Variants in UFL1 observed in about 807,000 individuals in gnomAD.
UFL1 encodes the protein E3 UFM1-protein ligase 1.
Under a neutral mutation model 99.3 loss-of-function variants are expected in UFL1, and 78 were observed. The observed-to-expected ratio is 0.79, with a 90% CI of 0.65 to 0.95. UFL1 has a LOEUF of 0.95. Ranked by LOEUF, UFL1 falls within the 40% of genes least tolerant of loss-of-function variation. The probability of loss-of-function intolerance (pLI) is 0.00; values close to 1 mark genes in which losing one functional copy is unlikely to be tolerated. For synonymous variants in UFL1, 335 were observed against 322.2 expected, an observed-to-expected ratio of 1.04 and a Z score of -0.42; for missense variants, 936 against 937.0, an observed-to-expected ratio of 1.00 and a Z score of 0.01.
At chr6:96,530,157 C>T (rs1769764178) in intron 6 of UFL1, among the ~76,000 whole-genome samples, 1 of 152,178 alleles carries the variant, frequency 6.6e-6, no homozygotes, top group Non-Finnish European at 1.5e-5. Context: ...AGTCCTTAGT[C>T]ACCTTCAATC....
In UFL1 at chr6:96,549,456, T is replaced by A; in HGVS notation, c.1565T>A (p.Met522Lys). Reference sequence around the variant, plus strand: ...CTCGAGGTGGTACGTTCAGTATTCATGTCTTCAACAACTTCTGCTTCTGGG... The same window carrying A: ...CTCGAGGTGGTACGTTCAGTATTCAAGTCTTCAACAACTTCTGCTTCTGGG... ...TYLEVVRSVF[M>K]SSTTSASGTG... Residue 522 changes from methionine to lysine, a missense_variant, in exon 14 of 19, where the codon ATG (methionine) becomes AAG (lysine). Met to Lys is a moderately conservative substitution (Grantham distance 95). Coordinates refer to ENST00000369278, the MANE Select transcript of UFL1 (RefSeq NM_015323.5). The A allele has an allele frequency of 6.3e-7, 1 of 1,598,228 alleles. No homozygotes were observed. The highest frequency in any genetic ancestry group is 8.5e-7 in the Non-Finnish European group (1 of 1,175,632).
At chr6:96,522,055 C>A in intron 1 of UFL1, 105 bp downstream of exon 1, 1 of 1,244,102 alleles carries the variant, frequency 8.0e-7, no homozygotes, top group Non-Finnish European at 1.1e-6. Context: ...GGTCTTCTCG[C>A]TGCTTGTCAC....
At chr6:96,542,393 G>C (rs1769943465) in intron 11 of UFL1, among the ~76,000 whole-genome samples, 1 of 151,288 alleles carries the variant, frequency 6.6e-6, no homozygotes, top group Admixed American at 6.6e-5. Context: ...TAATCTGTTT[G>C]AGTAGCAGAT....
Position 96,523,871 on chromosome 6 carries a change from CTT to C in UFL1, c.224-510_224-509del, listed in dbSNP as rs1199903591. On this transcript the variant is annotated intron_variant, in intron 2 of 18. Coordinates refer to ENST00000369278, the MANE Select transcript of UFL1 (RefSeq NM_015323.5). ...AATAGAAGCAATTATGAAAGCCTCT[CTT>C]CATATTATCAGAGTGTAACATTGGT... 2.6e-5 allele frequency among the ~76,000 whole-genome samples: 4 copies of C among 152,146 alleles called. No homozygotes were observed. In the South Asian group the frequency reaches 6.2e-4, roughly 24 times the overall value.
Position 96,549,768 on chromosome 6 carries a change from C to T in UFL1, c.1787C>T (p.Ala596Val). 6.2e-7 allele frequency: 1 copy of T among 1,612,006 alleles called. No individual in the cohort carries two copies. Among genetic ancestry groups the T allele is most frequent in the Non-Finnish European group, 8.5e-7 (1 of 1,178,630 alleles). Residue 596 changes from alanine to valine, a missense_variant, in exon 15 of 19, where the codon GCA becomes GTA. Ala to Val is a moderately conservative substitution (Grantham distance 64). Coordinates refer to ENST00000369278, the MANE Select transcript of UFL1 (RefSeq NM_015323.5). The stretch of plus-strand genomic sequence containing the variant: ...TTCTTAGCTTCGGATTTAATGATGG[C>T]AGTAGACGATCCTGCAGCCATTACA... ...FNFLASDLMM[A>V]VDDPAAITSE...
chr6:96,548,593 C>CT lies in UFL1; in HGVS notation c.1520+313dup, dbSNP rs1208438754. Among the ~76,000 whole-genome samples, 6 of 151,730 alleles carry CT rather than the reference C, an allele frequency of 4.0e-5. No homozygotes were observed. The East Asian group carries it at 9.7e-4, about 25-fold the overall frequency. On this transcript the variant is annotated intron_variant, in intron 13 of 18. Transcript: ENST00000369278. ...AGACCGGCATTAACCACTGGCTGGT[C>CT]TCTTCTATAGCACAAAAAATAACAT...
At chr6:96,525,651 G>A (rs1401572932) in intron 4 of UFL1, among the ~76,000 whole-genome samples, 7 of 143,304 alleles carry the variant, frequency 4.9e-5, no homozygotes, top group African/African-American at 1.0e-4. Flanking sequence ...ACCAGCCTAC[G>A]TAACATAGCA....
rs550508541 is a variant in UFL1, at chr6:96,551,909, C to G, written c.1971C>G (p.Asp657Glu). 124 of 1,596,148 alleles carry G rather than the reference C, an allele frequency of 7.8e-5. 1 individual carries two copies. In the South Asian group the frequency reaches 1.3e-3, roughly 17 times the overall value. The change falls in exon 17 of 19, where the codon GAC (aspartate) becomes GAG (glutamate). Residue 657 changes from aspartate to glutamate, a missense_variant. Transcript: ENST00000369278. ...EACDIMVKRG[D>E]KKRERQILFQ... The stretch of plus-strand genomic sequence containing the variant: ...GTGATATTATGGTGAAAAGGGGAGA[C>G]AAAAAAAGGGAAAGGTAACATTAAA...
chr6:96,524,309 G>A (rs1026375342), intron 2 of UFL1, 73 bp from the exon 3 acceptor site: 26 of 1,410,790 alleles, frequency 1.8e-5, no homozygotes, highest in Non-Finnish European at 2.3e-5. Flanking sequence ...AAACTTAAAT[G>A]TTAGAATTTA....
chr6:96,526,241 C>T lies in UFL1; in HGVS notation c.351-80C>T, dbSNP rs141559002. 4.5e-4 allele frequency: 550 copies of T among 1,210,608 alleles called. 1 individual carries two copies. In the African/African-American group the frequency reaches 5.2e-3, roughly 11 times the overall value. The allele number at this position is 1,210,608 out of a possible 1,614,324, so 75.0% of individuals were successfully genotyped here. A position where few individuals can be genotyped will look rare whatever the true frequency, so the allele number is the denominator to read the frequency against. The stretch of plus-strand genomic sequence containing the variant: ...ACTTTTGGGGCATACTTCATTTCAA[C>T]GGAAATTAAACATAAAATGAGGAAA... On this transcript the variant is annotated intron_variant, in intron 4 of 18. Coordinates refer to ENST00000369278, the MANE Select transcript of UFL1 (RefSeq NM_015323.5).
intron 12 of UFL1, among the ~76,000 whole-genome samples, chr6:96,543,752 T>C (rs1396238366): frequency 1.3e-5 from 2 of 151,092 alleles, no homozygotes; most frequent in Non-Finnish European, 3.0e-5. Flanking sequence ...GAAAGTGGTA[T>C]GACAATTTAT....
In UFL1 at chr6:96,553,941, T is replaced by C. The variant is rs1286583395; in HGVS notation, c.*438T>C. On this transcript the variant is annotated 3_prime_UTR_variant, in exon 19 of 19. Transcript: ENST00000369278. ...AATTTAAAATGTGGTCTTTTTTTTT[T>C]AAAAGAAACACTTCTGTGTCAGAAA... 6.6e-6 allele frequency: 1 copy of C among 152,416 alleles called. No individual in the cohort carries two copies. Among genetic ancestry groups the C allele is most frequent in the Non-Finnish European group, 1.5e-5 (1 of 68,308 alleles). The allele number at this position is 152,416 out of a possible 1,614,324, so 9.4% of individuals were successfully genotyped here. A position where few individuals can be genotyped will look rare whatever the true frequency, so the allele number is the denominator to read the frequency against.
chr6:96,549,280 C>A, intron 13 of UFL1, 132 bp from the exon 14 acceptor site: 1 of 675,762 alleles, frequency 1.5e-6, no homozygotes, highest in South Asian at 4.3e-5. Context: ...AACTTGTCTC[C>A]AAATTAATTT....
At chr6:96,526,510 A>G (rs9320194) in intron 5 of UFL1, 75 bp downstream of exon 5, 970,415 of 991,260 alleles carry the variant, frequency 0.98, 476,000 homozygotes, top group Non-Finnish European at 1. Context: ...TGGAAGGGGG[A>G]AAAAAAAATG....
intron 11 of UFL1, among the ~76,000 whole-genome samples, chr6:96,540,904 C>T (rs1769922037): frequency 6.6e-6 from 1 of 151,028 alleles, no homozygotes; most frequent in Admixed American, 6.6e-5. Context: ...CTTGTTTTTC[C>T]CCATCCTCTG....
At chr6:96,540,070 G>A (rs199881335) in intron 10 of UFL1, among the ~76,000 whole-genome samples, 86 of 151,014 alleles carry the variant, frequency 5.7e-4, no homozygotes, top group African/African-American at 2.0e-3. Flanking sequence ...CCAGAGGGGG[G>A]AAAAAAAGAT....
rs555716654 is a variant in UFL1, at chr6:96,554,385, T to C, written c.*882T>C. ...ACAGATAGGATGCCTTTTCCAGTGGTAGGAGCATCTGTAAGTGCATTTAAA... is the reference window on the plus strand; with the variant it reads ...ACAGATAGGATGCCTTTTCCAGTGGCAGGAGCATCTGTAAGTGCATTTAAA... On this transcript the variant is annotated 3_prime_UTR_variant, in exon 19 of 19. Coordinates refer to ENST00000369278, the MANE Select transcript of UFL1 (RefSeq NM_015323.5). 6 of 152,260 alleles carry C rather than the reference T, an allele frequency of 3.9e-5. No homozygotes were observed. In the East Asian group the frequency reaches 1.2e-3, roughly 29 times the overall value. The allele number at this position is 152,260 out of a possible 1,614,324, so 9.4% of individuals were successfully genotyped here. A position where few individuals can be genotyped will look rare whatever the true frequency, so the allele number is the denominator to read the frequency against.
chr6:96,532,706 G>T (rs1268910521), intron 6 of UFL1, among the ~76,000 whole-genome samples: 3 of 152,114 alleles, frequency 2.0e-5, no homozygotes, highest in Non-Finnish European at 2.9e-5. Context: ...AATTGAAGCA[G>T]CTTGAAACCC....
intron 9 of UFL1, 122 bp downstream of exon 9, chr6:96,537,671 A>T: frequency 1.1e-6 from 1 of 924,750 alleles, no homozygotes; most frequent in Non-Finnish European, 1.5e-6. Flanking sequence ...AATTCTAATC[A>T]TTGTTATAAC....
Sources: allele counts gnomAD v4.1 joint callset (sites outside exome capture counted in the v4.1 genomes callset), GRCh38; gene constraint gnomAD v4.1.1; transcripts MANE v1.5; gene names NCBI Gene and HGNC (gene_info 2026-07-23, HGNC 2026-07-21).